The following ANO3 variants were observed in gnomAD, a reference collection of about 807,000 sequenced individuals.
The protein encoded by ANO3 is anoctamin-3.
In ANO3, 99 loss-of-function variants were observed where a neutral mutation model predicts 144.8. The ratio of observed to expected loss-of-function variants is 0.68; its 90% CI spans 0.58 to 0.81. The LOEUF (loss-of-function observed/expected upper bound fraction) is 0.81, where lower values mean the gene tolerates loss of function less well. ANO3 is among the 30% of genes least tolerant of loss of function. The pLI is 0.00. For missense variants in ANO3, 905 were observed against 1,202.2 expected (o/e 0.75, Z 3.66); for synonymous variants, 414 against 392.6 (o/e 1.05, Z -0.64).
intron 1 of ANO3, among the ~76,000 whole-genome samples, chr11:26,415,896 C>G (rs1379989936): frequency 6.6e-6 from 1 of 152,034 alleles, no homozygotes; most frequent in African/African-American, 2.4e-5. Flanking sequence ...TGTATTCAGA[C>G]AGCTTTTAAA....
chr11:26,232,177 T>C (rs1469700078), intron 1 of ANO3, among the ~76,000 whole-genome samples: 1 of 152,192 alleles, frequency 6.6e-6, no homozygotes, highest in Non-Finnish European at 1.5e-5. Flanking sequence ...ACAAGATTTG[T>C]CACTATGGTT....
rs117266256 is a variant in ANO3 at position 26,391,774 on chromosome 11, C to T, written c.47-50144C>T. On this transcript the variant is annotated intron_variant, in intron 1 of 26. Transcript: ENST00000256737. The stretch of plus-strand genomic sequence containing the variant: ...AGACCCTATCTCTATTTAAGACACT[C>T]ATGATAGCTCTTTTATGTGTAGCCA... Among the ~76,000 whole-genome samples, 158 of 152,206 alleles carry T rather than the reference C, an allele frequency of 1.0e-3. 1 individual carries two copies. Among genetic ancestry groups the T allele is most frequent in the Non-Finnish European group, 1.5e-3 (103 of 67,998 alleles).
intron 1 of ANO3, among the ~76,000 whole-genome samples, chr11:26,346,865 C>G (rs867808434): frequency 3.9e-5 from 6 of 152,064 alleles, no homozygotes; most frequent in Non-Finnish European, 8.8e-5. Context: ...TTTTAGACAC[C>G]GGCTTTAGTC....
At chr11:26,359,384 A>G (rs1268921068) in intron 1 of ANO3, among the ~76,000 whole-genome samples, 4 of 152,180 alleles carry the variant, frequency 2.6e-5, no homozygotes, top group African/African-American at 7.2e-5. Context: ...TATTCCCTGA[A>G]GTGTGAGCAC....
chr11:26,625,570 C>G (rs1208365927), intron 18 of ANO3, among the ~76,000 whole-genome samples: 1 of 152,108 alleles, frequency 6.6e-6, no homozygotes, highest in East Asian at 1.9e-4. Context: ...TATACCACTT[C>G]TGTATTTTTT....
At chr11:26,378,229 A>T (rs1467919391) in intron 1 of ANO3, among the ~76,000 whole-genome samples, 1 of 151,290 alleles carries the variant, frequency 6.6e-6, no homozygotes, top group Non-Finnish European at 1.5e-5. Context: ...ATAAAACATT[A>T]TAATTGATGT....
chr11:26,466,550 A>C (rs911613222), intron 4 of ANO3, among the ~76,000 whole-genome samples: 1 of 151,954 alleles, frequency 6.6e-6, no homozygotes, highest in Admixed American at 6.6e-5. Flanking sequence ...TCCCTTTACC[A>C]TGTGAATAAG....
chr11:26,615,891 T>G (rs554015386), intron 17 of ANO3, among the ~76,000 whole-genome samples: 12 of 152,330 alleles, frequency 7.9e-5, no homozygotes, highest in African/African-American at 2.6e-4. Context: ...TCTTTTTAAA[T>G]AAATGTTTTC....
At chr11:26,625,681 G>A (rs10767562) in intron 18 of ANO3, among the ~76,000 whole-genome samples, 69,712 of 151,736 alleles carry the variant, frequency 0.46, 16,953 homozygotes, top group East Asian at 0.69. Context: ...AATATATTCA[G>A]ACACATCAAG....
intron 1 of ANO3, among the ~76,000 whole-genome samples, chr11:26,200,070 A>C (rs192059277): frequency 6.6e-6 from 1 of 152,218 alleles, no homozygotes; most frequent in Admixed American, 6.5e-5. Context: ...AACTTGACGC[A>C]GTCATGAGGA....
rs572678724 is a variant in ANO3 at position 26,527,411 on chromosome 11, T to C, written c.737+1732T>C. 1.8e-3 allele frequency among the ~76,000 whole-genome samples: 276 copies of C among 152,256 alleles called. 2 individuals are homozygous for C. The highest frequency in any genetic ancestry group is 3.4e-3 in the Middle Eastern group (1 of 294). On this transcript the variant is annotated intron_variant, in intron 7 of 26. Coordinates refer to ENST00000256737, the MANE Select transcript of ANO3 (RefSeq NM_031418.4). Reference sequence around the variant, plus strand: ...AGCCCACCCCTTTTCATTTTACTTATAATAAGTAAATCTCTTTATTCTATG... The same window carrying C: ...AGCCCACCCCTTTTCATTTTACTTACAATAAGTAAATCTCTTTATTCTATG...
intron 1 of ANO3, among the ~76,000 whole-genome samples, chr11:26,252,963 A>G (rs2133820932): frequency 6.6e-6 from 1 of 152,332 alleles, no homozygotes; most frequent in Admixed American, 6.5e-5. Flanking sequence ...TCCCTTGTTA[A>G]GTTTTAGGTA....
intron 3 of ANO3, among the ~76,000 whole-genome samples, chr11:26,449,749 T>C (rs1858851244): frequency 2.6e-5 from 1 of 38,044 alleles, no homozygotes. Flanking sequence ...AGTAGTAGAA[T>C]TGCCTTTTTT....
intron 5 of ANO3, among the ~76,000 whole-genome samples, chr11:26,515,802 C>G (rs1861841533): frequency 6.6e-6 from 1 of 151,912 alleles, no homozygotes; most frequent in African/African-American, 2.4e-5. Flanking sequence ...TAAAGGGAAG[C>G]AAACAACAGT....
chr11:26,643,482 G>T (rs916667973), intron 23 of ANO3, 148 bp downstream of exon 23: 11 of 997,186 alleles, frequency 1.1e-5, no homozygotes, highest in African/African-American at 8.3e-5. Context: ...CTGGCCGGGC[G>T]TGGTGGCTCA....
intron 18 of ANO3, among the ~76,000 whole-genome samples, chr11:26,625,199 A>G (rs1852544168): frequency 6.6e-6 from 1 of 152,220 alleles, no homozygotes; most frequent in South Asian, 2.1e-4. Context: ...TGCTGGGATT[A>G]CAGGCGTGAG....
intron 1 of ANO3, among the ~76,000 whole-genome samples, chr11:26,193,817 G>C (rs1851525250): frequency 6.6e-6 from 1 of 152,064 alleles, no homozygotes; most frequent in Non-Finnish European, 1.5e-5. Context: ...GCCTACCTAG[G>C]AATGCAACCT....
intron 1 of ANO3, among the ~76,000 whole-genome samples, chr11:26,387,456 T>A (rs1387876592): frequency 3.9e-5 from 6 of 151,940 alleles, no homozygotes; most frequent in Non-Finnish European, 5.9e-5. Flanking sequence ...ATGACCCTAT[T>A]AAATTTTACA....
At chr11:26,569,160 G>A (rs772003483) in intron 14 of ANO3, among the ~76,000 whole-genome samples, 4 of 151,986 alleles carry the variant, frequency 2.6e-5, no homozygotes, top group African/African-American at 4.8e-5. Flanking sequence ...CCTTGCCTGT[G>A]ACATTGAACC....
Sources: allele counts gnomAD v4.1 joint callset (sites outside exome capture counted in the v4.1 genomes callset), GRCh38; gene constraint gnomAD v4.1.1; transcripts MANE v1.5; gene names NCBI Gene and HGNC (gene_info 2026-07-23, HGNC 2026-07-21).